FAM171A1: variants seen among roughly 807,000 people sequenced by gnomAD.
FAM171A1 encodes the protein family with sequence similarity 171 member A1.
FAM171A1 carries 23 observed loss-of-function variants against 74.9 expected under a neutral mutation model. The observed-to-expected ratio is 0.31, with a 90% CI of 0.22 to 0.44. The LOEUF (loss-of-function observed/expected upper bound fraction) is 0.44. FAM171A1 is among the 20% of genes least tolerant of loss of function. The pLI is 1.00. For missense variants in FAM171A1, 1,162 were observed against 1,159.2 expected (o/e 1.00, Z -0.03); for synonymous variants, 527 against 505.7 (o/e 1.04, Z -0.57).
upstream of FAM171A1, among the ~76,000 whole-genome samples, chr10:15,372,737 C>CA (rs1232064624): frequency 1.4e-4 from 21 of 150,908 alleles, 1 homozygote; most frequent in African/African-American, 4.4e-4. Flanking sequence ...ATAAAACCAC[C>CA]AAAAAAACCA....
chr10:15,299,529 G>A (rs1271892194), intron 1 of FAM171A1, among the ~76,000 whole-genome samples: 1 of 151,778 alleles, frequency 6.6e-6, no homozygotes, highest in Non-Finnish European at 1.5e-5. Flanking sequence ...GCTGGGACAA[G>A]AGCAAAATTA....
chr10:15,343,260 A>G (rs905171810), intron 1 of FAM171A1, among the ~76,000 whole-genome samples: 5 of 152,190 alleles, frequency 3.3e-5, no homozygotes, highest in African/African-American at 9.7e-5. Flanking sequence ...TTCCAGTTAC[A>G]CAGGGGGCTG....
At chr10:15,298,246 T>C (rs1373364216) in intron 1 of FAM171A1, among the ~76,000 whole-genome samples, 2 of 152,306 alleles carry the variant, frequency 1.3e-5, no homozygotes, top group East Asian at 3.9e-4. Flanking sequence ...GCGATTCTCC[T>C]GTCTCAGCCT....
At chr10:15,287,392 CTTT>C (rs140141279) in intron 1 of FAM171A1, among the ~76,000 whole-genome samples, 2 of 130,934 alleles carry the variant, frequency 1.5e-5, no homozygotes. Context: ...GCGCCGGCCT[CTTT>C]TTTTTTTTTT....
upstream of FAM171A1, among the ~76,000 whole-genome samples, chr10:15,372,099 G>C (rs1464736644): frequency 2.6e-5 from 4 of 152,166 alleles, no homozygotes; most frequent in African/African-American, 9.7e-5. Context: ...CCAGGGTGGA[G>C]GGTTCTTGGT....
At chr10:15,260,304 T>C (rs1305304935) in intron 3 of FAM171A1, among the ~76,000 whole-genome samples, 1 of 152,250 alleles carries the variant, frequency 6.6e-6, no homozygotes, top group Non-Finnish European at 1.5e-5. Flanking sequence ...TCCTGTATCA[T>C]AATTATTTGT....
chr10:15,213,776 C>T lies in FAM171A1; in HGVS notation c.1812G>A (p.Pro604=), dbSNP rs748984583. ...TTTCTATCTCAAGCTGCTGATCAGC[C>T]GGGACGACGAGGGGCTGGCTGACAT... ...HSYVSQPLVV[P]ADQQLEIERL... Residue 604 remains proline (P), a synonymous_variant, in exon 8 of 8, where the codon CCG becomes CCA. Coordinates refer to ENST00000378116, the MANE Select transcript of FAM171A1 (RefSeq NM_001010924.2). The surrounding 1 kb of genome is among the most constrained non-coding windows in gnomAD (Gnocchi z 6.8). 5.6e-6 allele frequency: 9 copies of T among 1,613,932 alleles called. No homozygotes were observed. The highest frequency in any genetic ancestry group is 3.3e-5 in the South Asian group (3 of 91,090).
chr10:15,303,556 A>C (rs557573768), intron 1 of FAM171A1, among the ~76,000 whole-genome samples: 3 of 152,224 alleles, frequency 2.0e-5, no homozygotes, highest in Non-Finnish European at 4.4e-5. Flanking sequence ...GCCTGGAGAA[A>C]TAAGAGTTCC....
chr10:15,338,964 C>A (rs1474849436), intron 1 of FAM171A1, among the ~76,000 whole-genome samples: 1 of 152,154 alleles, frequency 6.6e-6, no homozygotes, highest in Non-Finnish European at 1.5e-5. Context: ...GTCTTGAACT[C>A]CTGACCTCAA....
intron 6 of FAM171A1, among the ~76,000 whole-genome samples, chr10:15,219,302 A>C (rs1185281561): frequency 6.6e-6 from 1 of 152,118 alleles, no homozygotes; most frequent in Non-Finnish European, 1.5e-5. Context: ...AACGAACAAC[A>C]ACAACAACAA....
intron 5 of FAM171A1, among the ~76,000 whole-genome samples, chr10:15,234,086 C>T (rs1456947161): frequency 2.0e-5 from 3 of 151,926 alleles, no homozygotes; most frequent in African/African-American, 7.3e-5. Flanking sequence ...GACGGGCCCT[C>T]TCCTAACATT....
In FAM171A1 at chr10:15,214,313, A is replaced by C; in HGVS notation, c.1275T>G (p.Phe425Leu). The stretch of plus-strand genomic sequence containing the variant: ...AAGAGAGGAGCTCCTCCCGGGAGCT[A>C]AATTCCTGGGAGGTGCTGTAGGAGA... ...LKLSYSTSQE[F>L]SSREELLSCK... Residue 425 changes from phenylalanine (F) to leucine (L), a missense_variant, in exon 8 of 8, where the codon TTT becomes TTG. Transcript: ENST00000378116. 1.9e-6 allele frequency: 3 copies of C among 1,613,074 alleles called. No homozygotes were observed. The highest frequency in any genetic ancestry group is 2.5e-6 in the Non-Finnish European group (3 of 1,179,596).
intron 1 of FAM171A1, among the ~76,000 whole-genome samples, chr10:15,351,283 A>G (rs981852786): frequency 3.3e-5 from 5 of 152,212 alleles, no homozygotes; most frequent in African/African-American, 1.2e-4. Flanking sequence ...CTGCGCAGGA[A>G]TCATGACTGA....
rs748683626 is a variant in FAM171A1 at position 15,213,080 on chromosome 10, G to A, written c.2508C>T (p.Thr836=). 8.7e-6 allele frequency: 14 copies of A among 1,613,716 alleles called. No homozygotes were observed. Among genetic ancestry groups the A allele is most frequent in the Non-Finnish European group, 1.2e-5 (14 of 1,179,854 alleles). Reference sequence around the variant, plus strand: ...CCGAGGGGGCATCCGCAGTCCGTCTGGTCGTCTCCTCCTGCAGGCTGGGCA... The same window carrying A: ...CCGAGGGGGCATCCGCAGTCCGTCTAGTCGTCTCCTCCTGCAGGCTGGGCA... The part of the protein sequence containing the change: ...GQLPSLQEET[T]RRTADAPSEP... Residue 836 remains threonine (T), a synonymous_variant, in exon 8 of 8, where the codon ACC becomes ACT. Coordinates refer to ENST00000378116, the MANE Select transcript of FAM171A1 (RefSeq NM_001010924.2). This position sits in a 1 kb window ranked among gnomAD's most constrained non-coding sequence, Gnocchi z 6.8.
intron 5 of FAM171A1, among the ~76,000 whole-genome samples, chr10:15,232,799 C>T (rs1834224445): frequency 1.3e-5 from 2 of 152,158 alleles, no homozygotes; most frequent in Admixed American, 6.5e-5. Flanking sequence ...CTGAAGAAAT[C>T]ACGTTTTGTG....
upstream of FAM171A1, among the ~76,000 whole-genome samples, chr10:15,372,888 C>T (rs1836166981): frequency 1.3e-5 from 2 of 152,044 alleles, no homozygotes; most frequent in Admixed American, 6.6e-5. Flanking sequence ...CCCTCTCCAC[C>T]TTCTCTTCCA....
intron 5 of FAM171A1, among the ~76,000 whole-genome samples, chr10:15,236,898 G>A (rs1033137297): frequency 2.0e-5 from 3 of 151,998 alleles, no homozygotes; most frequent in African/African-American, 7.3e-5. Flanking sequence ...TTGAGACCAC[G>A]CTGGCCAACA....
intron 3 of FAM171A1, among the ~76,000 whole-genome samples, chr10:15,257,169 G>A (rs937780380): frequency 1.1e-4 from 17 of 152,114 alleles, no homozygotes; most frequent in South Asian, 2.1e-4. Context: ...ATGAGGGTCC[G>A]GGCAGAGGCA....
At chr10:15,280,538 G>A (rs1834954673) in intron 2 of FAM171A1, among the ~76,000 whole-genome samples, 1 of 152,108 alleles carries the variant, frequency 6.6e-6, no homozygotes, top group African/African-American at 2.4e-5. Context: ...CACGGGTGGA[G>A]GGTGTTTTCC....
Sources: gnomAD v4.1 joint callset for allele counts (sites outside exome capture counted in the v4.1 genomes callset) on GRCh38, gnomAD v4.1.1 for gene constraint, Gnocchi (gnomAD v3.1) non-coding constraint, MANE v1.5 for transcripts, NCBI Gene and HGNC (gene_info 2026-07-23, HGNC 2026-07-21) for gene names.